Variants in CTCF observed in about 807,000 individuals in gnomAD.
CTCF encodes transcriptional repressor CTCF.
Under a neutral mutation model 72.3 loss-of-function variants are expected in CTCF, and 7 were observed. The ratio of observed to expected loss-of-function variants is 0.10; its 90% confidence interval spans 0.06 to 0.18. CTCF has a LOEUF of 0.18. Ranked by LOEUF, CTCF falls within the 10% of genes least tolerant of loss-of-function variation. The probability of loss-of-function intolerance (pLI) is 1.00; values close to 1 mark genes in which losing one functional copy is unlikely to be tolerated. For synonymous variants in CTCF, 374 were observed against 315.8 expected (o/e 1.18, Z -1.95); for missense variants, 516 against 949.1 (o/e 0.54, Z 6.00).
intron 2 of CTCF, among the ~76,000 whole-genome samples, chr16:67,587,099 C>CT (rs1194757717): frequency 7.8e-4 from 99 of 127,568 alleles, no homozygotes; most frequent in Non-Finnish European, 1.3e-3. Flanking sequence ...ACTTCTTAAA[C>CT]ATTTTTTTTT....
intron 7 of CTCF, among the ~76,000 whole-genome samples, chr16:67,625,834 A>G (rs2052277674): frequency 7.5e-6 from 1 of 133,990 alleles, no homozygotes; most frequent in African/African-American, 2.9e-5. Flanking sequence ...CCTGAAAATA[A>G]CACATACAAC....
intron 2 of CTCF, among the ~76,000 whole-genome samples, chr16:67,584,417 C>T (rs1037247321): frequency 4.0e-5 from 6 of 148,404 alleles, no homozygotes; most frequent in Non-Finnish European, 8.9e-5. Context: ...CTCGGCTCAC[C>T]GCAACCTCTG....
intron 2 of CTCF, among the ~76,000 whole-genome samples, chr16:67,603,545 C>T (rs1243289032): frequency 6.7e-6 from 1 of 149,070 alleles, no homozygotes; most frequent in Non-Finnish European, 1.5e-5. Context: ...AAAAAAAAGG[C>T]TGGGTGTGGT....
intron 4 of CTCF, among the ~76,000 whole-genome samples, chr16:67,612,824 C>G (rs1163665885): frequency 6.6e-6 from 1 of 151,946 alleles, no homozygotes; most frequent in East Asian, 1.9e-4. Context: ...GTAATCCCAG[C>G]TACTCAGGAG....
chr16:67,607,749 G>A (rs1216389342), intron 2 of CTCF, among the ~76,000 whole-genome samples: 2 of 151,922 alleles, frequency 1.3e-5, no homozygotes, highest in African/African-American at 4.8e-5. Context: ...GCTGGGCGTG[G>A]TGGCTCACGC....
At chr16:67,596,138 G>A (rs1178459684) in intron 2 of CTCF, among the ~76,000 whole-genome samples, 2 of 152,026 alleles carry the variant, frequency 1.3e-5, no homozygotes, top group Non-Finnish European at 2.9e-5. Flanking sequence ...ATTTTTAGTA[G>A]AGACGGAGAT....
intron 11 of CTCF, 136 bp downstream of exon 11, chr16:67,636,987 A>C: frequency 2.6e-6 from 2 of 777,072 alleles, no homozygotes; most frequent in Non-Finnish European, 3.8e-6. Flanking sequence ...ACAAACTCTC[A>C]GGAAATGGCT....
intron 2 of CTCF, among the ~76,000 whole-genome samples, chr16:67,609,529 C>A (rs1597711981): frequency 6.6e-6 from 1 of 151,948 alleles, no homozygotes; most frequent in South Asian, 2.1e-4. Context: ...AAAGAAGATT[C>A]ATGCATTGTG....
intron 7 of CTCF, among the ~76,000 whole-genome samples, chr16:67,625,995 C>T (rs2052280785): frequency 6.6e-6 from 1 of 152,010 alleles, no homozygotes; most frequent in Non-Finnish European, 1.5e-5. Context: ...TCAGTTCTTC[C>T]CCTTCCATCC....
chr16:67,612,256 A>G, intron 4 of CTCF, 135 bp downstream of exon 4: 1 of 767,190 alleles, frequency 1.3e-6, no homozygotes, highest in Non-Finnish European at 2.0e-6. Context: ...TGTAATCATG[A>G]TTTTATTGTA....
rs2052454358 is a variant in CTCF at position 67,637,976 on chromosome 16, C to T, written c.*104C>T. The T allele has an allele frequency of 6.5e-6, 7 of 1,074,284 alleles. No homozygotes were observed. Among genetic ancestry groups the T allele is most frequent in the East Asian group, 5.2e-5 (2 of 38,758 alleles). The allele number at this position is 1,074,284 out of a possible 1,614,324, so 66.5% of individuals were successfully genotyped here. On this transcript the variant is annotated 3_prime_UTR_variant, in exon 12 of 12. Transcript: ENST00000264010. ...CTTTTTTTGGCTTTGGGAAAAGCAT[C>T]ATTTTACCAAACATACCGAGAACGA... is the stretch of plus-strand genomic sequence containing the variant.
chr16:67,638,168 T>C lies in CTCF; in HGVS notation c.*296T>C. The stretch of plus-strand genomic sequence containing the variant: ...AGATGGAAACGGAGACATTGACCCC[T>C]CCCTCCATGTGGTAAACCACTCCAG... On this transcript the variant is annotated 3_prime_UTR_variant, in exon 12 of 12. Transcript: ENST00000264010. The C allele has an allele frequency of 3.0e-6, 1 of 332,716 alleles. No homozygotes were observed. The allele number at this position is 332,716 out of a possible 1,614,324, so 20.6% of individuals were successfully genotyped here.
chr16:67,621,177 C>G (rs1441687502), intron 6 of CTCF: 1 of 380,398 alleles, frequency 2.6e-6, no homozygotes, highest in Non-Finnish European at 4.7e-6. Flanking sequence ...TGTGGGTTCT[C>G]CATTCAGTCT....
At chr16:67,583,686 C>CA (rs747603061) in intron 2 of CTCF, among the ~76,000 whole-genome samples, 4,162 of 123,534 alleles carry the variant, frequency 0.034, 74 homozygotes, top group Non-Finnish European at 0.043. Context: ...GTTTTGGTCT[C>CA]AAAAAAAAAA....
intron 2 of CTCF, among the ~76,000 whole-genome samples, chr16:67,577,468 C>T (rs1219618187): frequency 4.7e-5 from 7 of 149,068 alleles, no homozygotes; most frequent in Non-Finnish European, 8.9e-5. Flanking sequence ...GATGGAGTCT[C>T]GCTCTGTTGC....
chr16:67,620,609 C>G lies in CTCF; in HGVS notation c.1087-88C>G, dbSNP rs115868653. 0.028 allele frequency: 32,889 copies of G among 1,156,342 alleles called. 706 individuals are homozygous for G. Among genetic ancestry groups the G allele is most frequent in the South Asian group, 0.058 (2,736 of 47,506 alleles). 71.6% of individuals were successfully genotyped at this position (1,156,342 alleles called of 1,614,324 possible). ...TTCTGTATTCTGAACTTCAGTGCCC[C>G]AAAGCTAAGCTTTTGTGCCTAACCT... On this transcript the variant is annotated intron_variant, in intron 5 of 11. Coordinates refer to ENST00000264010, the MANE Select transcript of CTCF (RefSeq NM_006565.4).
intron 2 of CTCF, among the ~76,000 whole-genome samples, chr16:67,599,211 G>A (rs927324718): frequency 1.3e-4 from 20 of 152,110 alleles, no homozygotes; most frequent in African/African-American, 1.2e-4. Flanking sequence ...CCTGGCCAAC[G>A]TGGTGAAACC....
At chr16:67,616,028 G>C (rs1237929977) in intron 4 of CTCF, 1 of 152,176 alleles carries the variant, frequency 6.6e-6, no homozygotes, top group Non-Finnish European at 1.5e-5. Flanking sequence ...TGTGCTCTCA[G>C]TTTTGTCTCT....
Position 67,626,618 on chromosome 16 carries a change from C to T in CTCF, c.1421C>T (p.Ala474Val). 6.3e-7 allele frequency: 1 copy of T among 1,577,342 alleles called. No individual in the cohort carries two copies. Among genetic ancestry groups the T allele is most frequent in the Non-Finnish European group, 8.6e-7 (1 of 1,160,980 alleles). ...EQGKKCRYCD[A>V]VFHERYALIQ... ...GGCAAGAAATGCCGTTACTGTGATG[C>T]TGTGTTTCATGAGCGCTATGCCCTC... Residue 474 changes from alanine to valine, a missense_variant, in exon 8 of 12, where the codon GCT becomes GTT. Physicochemically the swap from Ala to Val is moderately conservative, Grantham distance 64 (BLOSUM62 0). Transcript: ENST00000264010.
Sources: allele counts gnomAD v4.1 joint callset (sites outside exome capture counted in the v4.1 genomes callset), GRCh38; gene constraint gnomAD v4.1.1; transcripts MANE v1.5; gene names NCBI Gene and HGNC (gene_info 2026-07-23, HGNC 2026-07-21).